PDE1C: variants seen among roughly 807,000 people sequenced by gnomAD.
PDE1C encodes phosphodiesterase 1C.
In PDE1C, 62 loss-of-function variants were observed where a neutral mutation model predicts 93.1. The ratio of observed to expected loss-of-function variants is 0.67; its 90% CI spans 0.54 to 0.82. PDE1C has a LOEUF of 0.82. PDE1C is among the 40% of genes least tolerant of loss of function. The pLI, the probability that PDE1C is intolerant of heterozygous loss-of-function variation, is 0.00. For missense variants in PDE1C, 742 were observed against 884.6 expected (o/e 0.84, Z 2.04); for synonymous variants, 325 against 310.1 (o/e 1.05, Z -0.50).
At chr7:31,758,900 TA>T (rs777651302) in intron 17 of PDE1C, among the ~76,000 whole-genome samples, 24 of 152,160 alleles carry the variant, frequency 1.6e-4, no homozygotes, top group Non-Finnish European at 3.1e-4. Context: ...TCCCTCTCCA[TA>T]TTCATTCTAT....
intron 17 of PDE1C, among the ~76,000 whole-genome samples, chr7:31,766,202 GT>G (rs1201259723): frequency 1.3e-5 from 2 of 152,090 alleles, no homozygotes; most frequent in African/African-American, 4.8e-5. Context: ...GGCTAACACA[GT>G]GAAACCCCGT....
At chr7:31,836,632 C>A (rs190492576) in intron 11 of PDE1C, among the ~76,000 whole-genome samples, 1 of 151,978 alleles carries the variant, frequency 6.6e-6, no homozygotes, top group African/African-American at 2.4e-5. Context: ...TGCACCAGAC[C>A]GATCCTGCCT....
Position 31,879,009 on chromosome 7 carries a change from T to A in PDE1C, c.412A>T (p.Ile138Leu). 6.2e-7 allele frequency: 1 copy of A among 1,613,872 alleles called. No homozygotes were observed. The highest frequency in any genetic ancestry group is 8.5e-7 in the Non-Finnish European group (1 of 1,179,796). Residue 138 changes from isoleucine (I) to leucine (L), a missense_variant, in exon 4 of 18, where the codon ATA becomes TTA. This residue lies in a region of PDE1C where 205 missense variants were observed against 295.3 expected (regional missense o/e 0.69). Coordinates refer to ENST00000396191, the MANE Select transcript of PDE1C (RefSeq NM_001191057.4). The stretch of plus-strand genomic sequence containing the variant: ...TGACATCTTTACCTCTCCACAAATA[T>A]CCCAGCCTGCACTGCGTGAACGATG... ...KSIVHAVQAG[I>L]FVERMYRRTS...
intron 1 of PDE1C, among the ~76,000 whole-genome samples, chr7:32,297,994 TC>T (rs1812706876): frequency 2.4e-5 from 1 of 42,524 alleles, no homozygotes; most frequent in African/African-American, 1.1e-4. Context: ...TCTCTCTCTC[TC>T]TCCTCTCTCT....
chr7:32,144,227 T>C (rs996352169), intron 3 of PDE1C, among the ~76,000 whole-genome samples: 33 of 152,092 alleles, frequency 2.2e-4, no homozygotes, highest in Admixed American at 2.1e-3. Flanking sequence ...ATCCAGGGGC[T>C]CAAATGAAGC....
At chr7:31,722,103 C>A in the PDE1C span, among the ~76,000 whole-genome samples, 6 of 152,000 alleles carry the variant, frequency 3.9e-5, no homozygotes, top group South Asian at 2.1e-4. Flanking sequence ...TGTTCGACTC[C>A]CTTCTCTTAC....
Position 31,881,012 on chromosome 7 carries a change from T to C in PDE1C, c.129-152A>G, listed in dbSNP as rs561797279. 2.4e-4 allele frequency: 142 copies of C among 600,014 alleles called. 1 individual carries two copies. The highest frequency in any genetic ancestry group is 4.7e-4 in the Admixed American group (14 of 30,054). 37.2% of individuals were successfully genotyped at this position (600,014 alleles called of 1,614,324 possible). A position where few individuals can be genotyped will look rare whatever the true frequency, so the allele number is the denominator to read the frequency against. ...ATTATGGGACCAAAGGAGCAGGTAA[T>C]AAAATAAATGTATACATTTTTGCCA... On this transcript the variant is annotated intron_variant, in intron 2 of 17. Coordinates refer to ENST00000396191, the MANE Select transcript of PDE1C (RefSeq NM_001191057.4).
intron 4 of PDE1C, among the ~76,000 whole-genome samples, chr7:31,878,396 C>T (rs970664651): frequency 6.6e-6 from 1 of 151,978 alleles, no homozygotes; most frequent in African/African-American, 2.4e-5. Flanking sequence ...TATGGGTAAC[C>T]CATTTAGAAT....
At chr7:32,121,842 T>A (rs1799317462) in intron 3 of PDE1C, among the ~76,000 whole-genome samples, 1 of 152,224 alleles carries the variant, frequency 6.6e-6, no homozygotes, top group Non-Finnish European at 1.5e-5. Context: ...GATATCATCA[T>A]GATGACAGGA....
the PDE1C span, among the ~76,000 whole-genome samples, chr7:31,676,175 G>A: frequency 7.2e-5 from 11 of 152,066 alleles, no homozygotes; most frequent in Non-Finnish European, 1.5e-4. Flanking sequence ...TGTCCACAAT[G>A]GTCATTACAA....
At chr7:32,148,149 G>C (rs1801022826) in intron 3 of PDE1C, among the ~76,000 whole-genome samples, 1 of 152,078 alleles carries the variant, frequency 6.6e-6, no homozygotes, top group East Asian at 1.9e-4. Context: ...TGTATCACAG[G>C]CAATCTGTGC....
Position 32,365,754 on chromosome 7 carries a change from T to C in PDE1C, c.310+62068A>G, listed in dbSNP as rs560233640. 8.3e-4 allele frequency among the ~76,000 whole-genome samples: 126 copies of C among 152,118 alleles called. 1 individual carries two copies. Among genetic ancestry groups the C allele is most frequent in the African/African-American group, 2.8e-3 (118 of 41,484 alleles). On this transcript the variant is annotated intron_variant, in intron 1 of 1. Transcript: ENST00000672256. Reference sequence around the variant, plus strand: ...ACACATCTCTGATCTGAGAGTCTGGTGAGTTCACCCGGGCAAAGCCACACC... The same window carrying C: ...ACACATCTCTGATCTGAGAGTCTGGCGAGTTCACCCGGGCAAAGCCACACC...
intron 3 of PDE1C, among the ~76,000 whole-genome samples, chr7:32,104,811 G>C (rs746290701): frequency 1.3e-5 from 2 of 152,174 alleles, no homozygotes; most frequent in African/African-American, 4.8e-5. Context: ...GACCAAAGCT[G>C]AACTATGACT....
intron 2 of PDE1C, among the ~76,000 whole-genome samples, chr7:31,916,564 C>A (rs183246411): frequency 6.6e-6 from 1 of 152,144 alleles, no homozygotes; most frequent in East Asian, 1.9e-4. Context: ...TCTGACCTTA[C>A]GTCATGCAAA....
At chr7:31,688,089 A>G in the PDE1C span, among the ~76,000 whole-genome samples, 1 of 152,190 alleles carries the variant, frequency 6.6e-6, no homozygotes, top group East Asian at 1.9e-4. Context: ...ATAATCACAA[A>G]TGGAGGACTG....
intron 2 of PDE1C, among the ~76,000 whole-genome samples, chr7:32,204,476 G>C (rs73104602): frequency 6.6e-6 from 1 of 152,068 alleles, no homozygotes; most frequent in African/African-American, 2.4e-5. Flanking sequence ...TGTCTCCCTC[G>C]CTCGGGCTCC....
At chr7:31,817,684 C>A (rs2128726496) in intron 14 of PDE1C, among the ~76,000 whole-genome samples, 1 of 152,214 alleles carries the variant, frequency 6.6e-6, no homozygotes, top group African/African-American at 2.4e-5. Flanking sequence ...TACTTTATTT[C>A]TTTTGTGTTA....
intron 1 of PDE1C, among the ~76,000 whole-genome samples, chr7:32,285,760 G>T (rs763100469): frequency 1.4e-5 from 2 of 145,254 alleles, no homozygotes; most frequent in African/African-American, 2.6e-5. Flanking sequence ...AGAAGAGAGG[G>T]GGGAGAGAGG....
chr7:31,863,771 C>G (rs12669844), intron 7 of PDE1C, among the ~76,000 whole-genome samples: 14,403 of 152,090 alleles, frequency 0.095, 1,062 homozygotes, highest in East Asian at 0.25. Flanking sequence ...AGCACTTCTA[C>G]AAAGTGGAAT....
Sources: gnomAD v4.1 joint callset for allele counts (sites outside exome capture counted in the v4.1 genomes callset) on GRCh38, gnomAD v4.1.1 for gene constraint, gnomAD v4.1.1 regional missense constraint, MANE v1.5 for transcripts, NCBI Gene and HGNC (gene_info 2026-07-23, HGNC 2026-07-21) for gene names.